The following ESYT3 variants were observed in gnomAD, a reference collection of about 807,000 sequenced individuals.
ESYT3 encodes extended synaptotagmin 3.
In ESYT3, 101 loss-of-function variants were observed where a neutral mutation model predicts 111.5. The ratio of observed to expected loss-of-function variants is 0.91; its 90% confidence interval spans 0.77 to 1.07. ESYT3 has a LOEUF of 1.07. Among genes scored for constraint, ESYT3 ranks in the 50% least tolerant of loss-of-function variants. The probability of loss-of-function intolerance (pLI) is 0.00; values close to 1 mark genes in which losing one functional copy is unlikely to be tolerated. For missense variants in ESYT3, 1,097 were observed against 1,109.4 expected (o/e 0.99, Z 0.16); for synonymous variants, 416 against 446.8 (o/e 0.93, Z 0.87).
chr3:138,465,332 C>A lies in ESYT3; in HGVS notation c.1087-7C>A. 1 of 1,579,170 alleles carries A rather than the reference C, an allele frequency of 6.3e-7. No homozygotes were observed. Among genetic ancestry groups the A allele is most frequent in the East Asian group, 2.3e-5 (1 of 43,902 alleles). ...CTGCAGGTCAAGACACCTCTTTTTC[C>A]TTCCAGTTCATGGTGTACGAAGTCC... On this transcript the variant is annotated splice_polypyrimidine_tract_variant and splice_region_variant and intron_variant, in intron 9 of 22. Coordinates refer to ENST00000389567, the MANE Select transcript of ESYT3 (RefSeq NM_031913.5).
chr3:138,441,102 G>C lies in ESYT3; in HGVS notation c.327+5977G>C, dbSNP rs536243658. 1.8e-4 allele frequency among the ~76,000 whole-genome samples: 27 copies of C among 152,362 alleles called. No individual in the cohort carries two copies. The South Asian group carries it at 5.4e-3, about 30-fold the overall frequency. ...CCTTCTTGGAGGAAGAGGCACTGTG[G>C]TATTGCTGGCTGTGGTAGGGAGTTG... On this transcript the variant is annotated intron_variant, in intron 1 of 22. Coordinates refer to ENST00000389567, the MANE Select transcript of ESYT3 (RefSeq NM_031913.5).
intron 1 of ESYT3, among the ~76,000 whole-genome samples, chr3:138,441,321 C>A (rs916578261): frequency 6.6e-6 from 1 of 152,200 alleles, no homozygotes; most frequent in Admixed American, 6.5e-5. Flanking sequence ...GGGCCTGAGG[C>A]CCTGAGTAAC....
chr3:138,473,444 C>T lies in ESYT3; in HGVS notation c.2238-92C>T. 15 of 1,131,878 alleles carry T rather than the reference C, an allele frequency of 1.3e-5. No individual in the cohort carries two copies. The South Asian group carries it at 1.8e-4, about 14-fold the overall frequency. 70.1% of individuals were successfully genotyped at this position (1,131,878 alleles called of 1,614,324 possible). ...TTATTATCCTACATGGCTCTATACT[C>T]CTCAAGCAGGAATGCTTCTTTGTCT... On this transcript the variant is annotated intron_variant, in intron 18 of 22. Transcript: ENST00000389567.
chr3:138,476,146 A>G (rs1157953419), intron 20 of ESYT3, 77 bp from the exon 21 acceptor site: 1 of 947,878 alleles, frequency 1.1e-6, no homozygotes, highest in South Asian at 1.4e-5. Flanking sequence ...TTTAGTAGGG[A>G]AATGGATGAA....
chr3:138,453,962 C>T (rs865806406), intron 2 of ESYT3, among the ~76,000 whole-genome samples: 32 of 152,294 alleles, frequency 2.1e-4, no homozygotes, highest in African/African-American at 5.5e-4. Flanking sequence ...GTTGTGACCC[C>T]GCTGTGTGCT....
intron 15 of ESYT3, 35 bp from the exon 16 acceptor site, chr3:138,470,025 A>G (rs2033136330): frequency 1.3e-6 from 2 of 1,589,296 alleles, no homozygotes; most frequent in African/African-American, 2.7e-5. Flanking sequence ...TGCCCAACCT[A>G]ACCCTTCAAT....
chr3:138,480,318 TTC>T (rs1413362604), downstream of ESYT3: 1 of 152,196 alleles, frequency 6.6e-6, no homozygotes, highest in African/African-American at 2.4e-5. Context: ...TCATTTAGAT[TTC>T]TGTTTATATT....
At chr3:138,459,290 C>A (rs1324006181) in intron 5 of ESYT3, 37 bp downstream of exon 5, 4 of 1,491,718 alleles carry the variant, frequency 2.7e-6, no homozygotes, top group Non-Finnish European at 3.6e-6. Context: ...CTGTTCCAGC[C>A]CCCAGGGTGG....
Position 138,478,416 on chromosome 3 carries a change from C to T in ESYT3, c.*1562C>T, listed in dbSNP as rs1430476133. On this transcript the variant is annotated 3_prime_UTR_variant, in exon 23 of 23. Transcript: ENST00000389567. ...AATAAAATGGAGCATTGATGCCTAC[C>T]CTGTCTACCTTATGATGGCATTCTA... is the stretch of plus-strand genomic sequence containing the variant. The T allele has an allele frequency of 6.6e-6, 1 of 152,072 alleles. No individual in the cohort carries two copies. Among genetic ancestry groups the T allele is most frequent in the Non-Finnish European group, 1.5e-5 (1 of 68,024 alleles). 9.4% of individuals were successfully genotyped at this position (152,072 alleles called of 1,614,324 possible). A position where few individuals can be genotyped will look rare whatever the true frequency, so the allele number is the denominator to read the frequency against.
chr3:138,477,267 T>TGGA lies in ESYT3; in HGVS notation c.*415_*417dup, dbSNP rs2033529403. The TGGA allele has an allele frequency of 6.4e-6, 1 of 156,404 alleles. No homozygotes were observed. Among genetic ancestry groups the TGGA allele is most frequent in the African/African-American group, 2.4e-5 (1 of 41,486 alleles). The allele number at this position is 156,404 out of a possible 1,614,324, so 9.7% of individuals were successfully genotyped here. A position where few individuals can be genotyped will look rare whatever the true frequency, so the allele number is the denominator to read the frequency against. ...ATAGGGGCTGGGGGAGGTCTGTTTC[T>TGGA]GGAGCCACTACCAGCATTCCTGGGC... On this transcript the variant is annotated 3_prime_UTR_variant, in exon 23 of 23. Transcript: ENST00000389567.
At chr3:138,474,886 A>G (rs367846123) in intron 20 of ESYT3, among the ~76,000 whole-genome samples, 1 of 152,216 alleles carries the variant, frequency 6.6e-6, no homozygotes, top group Non-Finnish European at 1.5e-5. Context: ...CAGTGGTGGC[A>G]AGTCTCATCC....
chr3:138,474,402 T>G lies in ESYT3; in HGVS notation c.2468+50T>G, dbSNP rs1865. ...GAGTGCCTCACCCATTCAAGTATTT[T>G]CCAAGTACCTGTTATGTTGCCTGGC... On this transcript the variant is annotated intron_variant, in intron 20 of 22. Transcript: ENST00000389567. The G allele has an allele frequency of 0.013, 19,212 of 1,530,492 alleles. 2,040 individuals carry two copies. In the African/African-American group the frequency reaches 0.24, roughly 19 times the overall value. The allele number at this position is 1,530,492 out of a possible 1,614,324, so 94.8% of individuals were successfully genotyped here. A position where few individuals can be genotyped will look rare whatever the true frequency, so the allele number is the denominator to read the frequency against.
chr3:138,454,585 C>A (rs1350607458), intron 2 of ESYT3, among the ~76,000 whole-genome samples: 1 of 152,076 alleles, frequency 6.6e-6, no homozygotes, highest in African/African-American at 2.4e-5. Context: ...GATGGAGAAG[C>A]CTTGCCCCAA....
intron 11 of ESYT3, 35 bp from the exon 12 acceptor site, chr3:138,468,070 C>T: frequency 6.3e-7 from 1 of 1,599,754 alleles, no homozygotes; most frequent in South Asian, 1.1e-5. Flanking sequence ...ATCTCCCTGG[C>T]CCTTTTCCCT....
rs1440060127 is a variant in ESYT3 at position 138,479,599 on chromosome 3, T to C, written c.*2745T>C. On this transcript the variant is annotated 3_prime_UTR_variant, in exon 23 of 23. Coordinates refer to ENST00000389567, the MANE Select transcript of ESYT3 (RefSeq NM_031913.5). ...TTCTTCTGATGTTTTCCATGGCTGC[T>C]AGCTAATTGGCATACAGAGCTGTTC... The C allele has an allele frequency of 6.9e-6, 1 of 143,912 alleles. No individual in the cohort carries two copies. The highest frequency in any genetic ancestry group is 2.3e-4 in the East Asian group (1 of 4,432). The allele number at this position is 143,912 out of a possible 1,614,324, so 8.9% of individuals were successfully genotyped here.
At chr3:138,441,962 TGTCATGA>T (rs2031185569) in intron 1 of ESYT3, among the ~76,000 whole-genome samples, 1 of 152,110 alleles carries the variant, frequency 6.6e-6, no homozygotes, top group African/African-American at 2.4e-5. Flanking sequence ...CCTGTGCCAG[TGTCATGA>T]GTCATGAGCC....
At chr3:138,442,216 C>G (rs943920593) in intron 1 of ESYT3, among the ~76,000 whole-genome samples, 1 of 151,902 alleles carries the variant, frequency 6.6e-6, no homozygotes, top group Non-Finnish European at 1.5e-5. Flanking sequence ...TATAATCCCT[C>G]CACCCAGAGA....
rs1333841347 is a variant in ESYT3, at chr3:138,440,035, C to A, written c.327+4910C>A. ...CTGGGCCTCTGATTTCTCTGAAAATCATGACATTTTAGGAGATGTTCTATA... is the reference window on the plus strand; with the variant it reads ...CTGGGCCTCTGATTTCTCTGAAAATAATGACATTTTAGGAGATGTTCTATA... On this transcript the variant is annotated intron_variant, in intron 1 of 22. Coordinates refer to ENST00000389567, the MANE Select transcript of ESYT3 (RefSeq NM_031913.5). This position sits in a 1 kb window ranked among gnomAD's most constrained non-coding sequence, Gnocchi z 4.2. 6.6e-6 allele frequency among the ~76,000 whole-genome samples: 1 copy of A among 152,152 alleles called. No homozygotes were observed. The highest frequency in any genetic ancestry group is 1.5e-5 in the Non-Finnish European group (1 of 68,016).
At chr3:138,470,280 ACT>A (rs1403380922) in intron 16 of ESYT3, 134 bp downstream of exon 16, 27 of 1,378,264 alleles carry the variant, frequency 2.0e-5, no homozygotes, top group Non-Finnish European at 2.6e-5. Context: ...AAGAGAGGAC[ACT>A]GAGGCCCCAC....
Sources: allele counts gnomAD v4.1 joint callset (sites outside exome capture counted in the v4.1 genomes callset), GRCh38; gene constraint gnomAD v4.1.1; non-coding constraint Gnocchi (gnomAD v3.1); transcripts MANE v1.5; gene names NCBI Gene and HGNC (gene_info 2026-07-23, HGNC 2026-07-21).